The following GMPR variants were observed in gnomAD, a reference collection of about 807,000 sequenced individuals.
GMPR encodes the protein guanosine monophosphate reductase.
Under a neutral mutation model 38.4 loss-of-function variants are expected in GMPR, and 31 were observed. That is an observed-to-expected ratio of 0.81 (90% CI 0.61 to 1.09). The LOEUF is 1.09. Ranked by LOEUF, GMPR falls within the 50% of genes least tolerant of loss-of-function variation. The pLI is 0.00. For synonymous variants in GMPR, 162 were observed against 173.3 expected, an observed-to-expected ratio of 0.93 and a Z score of 0.51; for missense variants, 468 against 453.7, an observed-to-expected ratio of 1.03 and a Z score of -0.29.
chr6:16,262,048 T>C (rs555875581), intron 4 of GMPR: 2 of 151,328 alleles, frequency 1.3e-5, no homozygotes, highest in South Asian at 2.1e-4. Context: ...AGTTGGGGGA[T>C]TTTAAGAGGC....
At chr6:16,286,387 G>T (rs1759679131) in intron 7 of GMPR, among the ~76,000 whole-genome samples, 1 of 151,898 alleles carries the variant, frequency 6.6e-6, no homozygotes, top group Non-Finnish European at 1.5e-5. Context: ...AAGCAGTAAA[G>T]TACGGCTGCC....
rs369003346 is a variant in GMPR at position 16,290,442 on chromosome 6, T to C, written c.698-20T>C. ...CTGTTTTCTCTGCTACTCGCTTTCA[T>C]CCCCACCGTTGGCATTTAGGAGCTG... On this transcript the variant is annotated intron_variant, in intron 7 of 8. Transcript: ENST00000259727. 3.1e-6 allele frequency: 5 copies of C among 1,611,890 alleles called. No individual in the cohort carries two copies. Among genetic ancestry groups the C allele is most frequent in the Non-Finnish European group, 3.4e-6 (4 of 1,178,172 alleles).
intron 1 of GMPR, among the ~76,000 whole-genome samples, chr6:16,244,885 G>A (rs1330222759): frequency 6.6e-6 from 1 of 151,300 alleles, no homozygotes; most frequent in East Asian, 1.9e-4. Flanking sequence ...ATGAGGGGAA[G>A]CGTTTACTGT....
rs9477077 is a variant in GMPR, at chr6:16,289,125, C to G, written c.698-1337C>G. ...TCTGTTGCTGCTCGGTCTTTAGGCC[C>G]ACACTGCTTTTATGAGCTGTGCTAT... On this transcript the variant is annotated intron_variant, in intron 7 of 8. Transcript: ENST00000259727. 4.6e-5 allele frequency among the ~76,000 whole-genome samples: 7 copies of G among 152,284 alleles called. No individual in the cohort carries two copies. The South Asian group carries it at 6.2e-4, about 14-fold the overall frequency.
chr6:16,277,390 T>G (rs543091899), intron 5 of GMPR, among the ~76,000 whole-genome samples: 3 of 152,246 alleles, frequency 2.0e-5, no homozygotes, highest in Admixed American at 6.5e-5. Flanking sequence ...GAGCCGGAGA[T>G]TAGGCTGCGC....
Position 16,276,359 on chromosome 6 carries a change from C to T in GMPR, c.547+1863C>T, listed in dbSNP as rs1268604360. ...TAATTTTTTGTACTTTTAGTGGAGA[C>T]GGGGTTTCACCATGTTGGCCAGGCT... On this transcript the variant is annotated intron_variant, in intron 5 of 8. Transcript: ENST00000259727. Among the ~76,000 whole-genome samples the T allele has an allele frequency of 1.1e-4, 17 of 152,140 alleles. No homozygotes were observed. The South Asian group carries it at 1.2e-3, about 11-fold the overall frequency.
chr6:16,250,666 G>T (rs1427236778), intron 3 of GMPR, among the ~76,000 whole-genome samples: 1 of 152,120 alleles, frequency 6.6e-6, no homozygotes, highest in South Asian at 2.1e-4. Context: ...CCAGTCTTTT[G>T]GCTGTAGAAA....
intron 4 of GMPR, among the ~76,000 whole-genome samples, chr6:16,264,748 C>T (rs915172363): frequency 6.6e-6 from 1 of 152,036 alleles, no homozygotes; most frequent in African/African-American, 2.4e-5. Flanking sequence ...TTTCACAAGA[C>T]AATGTCATCA....
At chr6:16,243,664 C>CTGTA (rs1410584870) in intron 1 of GMPR, among the ~76,000 whole-genome samples, 1 of 152,220 alleles carries the variant, frequency 6.6e-6, no homozygotes, top group Non-Finnish European at 1.5e-5. Context: ...TCGGTACCAT[C>CTGTA]TGTAGATCTA....
intron 5 of GMPR, 26 bp from the exon 6 acceptor site, chr6:16,278,758 T>C (rs1561832073): frequency 6.7e-7 from 1 of 1,487,584 alleles, no homozygotes; most frequent in Non-Finnish European, 9.4e-7. Context: ...ACCATCTATT[T>C]GGGGACAACT....
chr6:16,292,381 C>T (rs1759856064), intron 8 of GMPR, among the ~76,000 whole-genome samples: 1 of 151,940 alleles, frequency 6.6e-6, no homozygotes, highest in Non-Finnish European at 1.5e-5. Context: ...TCTCATTCTC[C>T]TCAAGTCTCT....
intron 4 of GMPR, chr6:16,262,120 A>G (rs1759098381): frequency 6.6e-6 from 1 of 151,756 alleles, no homozygotes. Context: ...GGCCCTTGAA[A>G]AGAAGGCAAT....
At chr6:16,260,991 T>C (rs902173088) in intron 4 of GMPR, among the ~76,000 whole-genome samples, 10 of 151,924 alleles carry the variant, frequency 6.6e-5, no homozygotes, top group African/African-American at 2.2e-4. Context: ...AAATAGATTT[T>C]GGAAGTTATG....
intron 3 of GMPR, among the ~76,000 whole-genome samples, chr6:16,252,608 T>A (rs1444587111): frequency 6.6e-6 from 1 of 152,292 alleles, no homozygotes; most frequent in Non-Finnish European, 1.5e-5. Context: ...CATTACCAAG[T>A]GTGATACATC....
chr6:16,289,277 C>CTT (rs1759775333), intron 7 of GMPR, among the ~76,000 whole-genome samples: 1 of 152,192 alleles, frequency 6.6e-6, no homozygotes, highest in African/African-American at 2.4e-5. Flanking sequence ...TGGCTTCATT[C>CTT]TTGAAGTCAG....
chr6:16,292,098 A>C (rs1266098731), intron 8 of GMPR, among the ~76,000 whole-genome samples: 3 of 152,188 alleles, frequency 2.0e-5, no homozygotes, highest in Admixed American at 2.0e-4. Flanking sequence ...AGGAAAGTTC[A>C]GGCTTCTCCC....
At chr6:16,280,384 T>C (rs1276178526) in intron 6 of GMPR, among the ~76,000 whole-genome samples, 1 of 152,176 alleles carries the variant, frequency 6.6e-6, no homozygotes, top group Non-Finnish European at 1.5e-5. Context: ...CACCCATCCA[T>C]TCATCCAGCA....
chr6:16,273,917 G>A (rs921821598), intron 4 of GMPR, among the ~76,000 whole-genome samples: 2 of 149,620 alleles, frequency 1.3e-5, no homozygotes, highest in Admixed American at 1.3e-4. Context: ...CCGGGTTCAA[G>A]TGATTGTCCT....
intron 3 of GMPR, among the ~76,000 whole-genome samples, chr6:16,251,543 C>G (rs1374349876): frequency 1.3e-5 from 2 of 152,224 alleles, no homozygotes; most frequent in Non-Finnish European, 2.9e-5. Context: ...GCACTCCAGC[C>G]TGGGCAACGA....
Sources: allele counts gnomAD v4.1 joint callset (sites outside exome capture counted in the v4.1 genomes callset), GRCh38; gene constraint gnomAD v4.1.1; transcripts MANE v1.5; gene names NCBI Gene and HGNC (gene_info 2026-07-23, HGNC 2026-07-21).